The following SUSD3 variants were observed in gnomAD, a reference collection of about 807,000 sequenced individuals.
SUSD3 encodes sushi domain containing 3, also known as sushi domain-containing protein 3.
In SUSD3, 18 loss-of-function variants were observed where a neutral mutation model predicts 20.6. The observed-to-expected ratio is 0.87, with a 90% confidence interval of 0.60 to 1.30. The LOEUF is 1.30. SUSD3 is among the 50% of genes most tolerant of loss of function. SUSD3 has a pLI of 0.00. For missense variants in SUSD3, 306 were observed against 346.9 expected (o/e 0.88, Z 0.94); for synonymous variants, 137 against 141.5 (o/e 0.97, Z 0.23).
rs531389743 is a variant in SUSD3, at chr9:93,083,006, G to A, written c.558-1531G>A. Among the ~76,000 whole-genome samples, 8 of 152,348 alleles carry A rather than the reference G, an allele frequency of 5.3e-5. No homozygotes were observed. The South Asian group carries it at 6.2e-4, about 12-fold the overall frequency. On this transcript the variant is annotated intron_variant, in intron 4 of 4. Transcript: ENST00000375472. ...GAACTTGTGCAGTGTGTGGTCGGAC[G>A]TGTGCGTCCCGTCCAAGAGTGGCCA...
rs779495077 is a variant in SUSD3, at chr9:93,084,559, A to G, written c.580A>G (p.Lys194Glu). 6.3e-7 allele frequency: 1 copy of G among 1,597,872 alleles called. No individual in the cohort carries two copies. The highest frequency in any genetic ancestry group is 8.5e-7 in the Non-Finnish European group (1 of 1,172,162). The change falls in exon 5 of 5, where the codon AAG becomes GAG. Residue 194 changes from lysine to glutamate, a missense_variant. Physicochemically the swap from Lys to Glu is moderately conservative, Grantham distance 56. Transcript: ENST00000375472. Reference sequence around the variant, plus strand: ...CAGAGACCATGGTGAGAGCACCAGCAAGCTGGCCAGTGTGACCCGCAGCGT... The same window carrying G: ...CAGAGACCATGGTGAGAGCACCAGCGAGCTGGCCAGTGTGACCCGCAGCGT... The part of the protein sequence containing the change: ...FTTDHGESTS[K>E]LASVTRSVDK...
At chr9:93,061,281 G>T (rs764337903) in intron 1 of SUSD3, among the ~76,000 whole-genome samples, 1 of 152,234 alleles carries the variant, frequency 6.6e-6, no homozygotes, top group Non-Finnish European at 1.5e-5. Context: ...CCCAGAACTG[G>T]ACTGTGTCCA....
In SUSD3 at chr9:93,084,880, G is replaced by A; in HGVS notation, c.*133G>A. On this transcript the variant is annotated 3_prime_UTR_variant, in exon 5 of 5. Coordinates refer to ENST00000375472, the MANE Select transcript of SUSD3 (RefSeq NM_145006.4). Reference sequence around the variant, plus strand: ...TGATGAGTGGAATCAGCTTCCAGGTGTAGGGACCCCTTGAGGGGCCGAGCT... The same window carrying A: ...TGATGAGTGGAATCAGCTTCCAGGTATAGGGACCCCTTGAGGGGCCGAGCT... 2.4e-6 allele frequency: 2 copies of A among 837,386 alleles called. No individual in the cohort carries two copies. The highest frequency in any genetic ancestry group is 3.4e-6 in the Non-Finnish European group (2 of 584,898). The allele number at this position is 837,386 out of a possible 1,614,324, so 51.9% of individuals were successfully genotyped here.
chr9:93,058,879 A>C, intron 1 of SUSD3, 49 bp downstream of exon 1: 5 of 1,131,802 alleles, frequency 4.4e-6, no homozygotes, highest in Non-Finnish European at 5.6e-6. Flanking sequence ...CGCCCATTTC[A>C]CAGACGGGAA....
At chr9:93,075,028 C>T (rs1398773527) in intron 1 of SUSD3, among the ~76,000 whole-genome samples, 1 of 152,180 alleles carries the variant, frequency 6.6e-6, no homozygotes, top group African/African-American at 2.4e-5. Flanking sequence ...ACAGGGCTTC[C>T]CAGGCCCTGC....
intron 4 of SUSD3, among the ~76,000 whole-genome samples, chr9:93,082,466 C>T (rs891709515): frequency 6.6e-6 from 1 of 151,958 alleles, no homozygotes; most frequent in Non-Finnish European, 1.5e-5. Flanking sequence ...CACAGGTGTC[C>T]GCCACCATGC....
At chr9:93,073,543 C>T (rs1383734334) in intron 1 of SUSD3, among the ~76,000 whole-genome samples, 5 of 152,290 alleles carry the variant, frequency 3.3e-5, no homozygotes, top group East Asian at 1.9e-4. Context: ...CCACCGTGCC[C>T]GTCCTGTCCC....
intron 4 of SUSD3, among the ~76,000 whole-genome samples, chr9:93,081,556 C>T (rs567145139): frequency 6.6e-6 from 1 of 152,232 alleles, no homozygotes; most frequent in South Asian, 2.1e-4. Flanking sequence ...CTGTTACTGT[C>T]GTTGCCACTC....
At chr9:93,066,734 G>A (rs1045221864) in intron 1 of SUSD3, among the ~76,000 whole-genome samples, 6 of 150,270 alleles carry the variant, frequency 4.0e-5, no homozygotes, top group African/African-American at 1.5e-4. Flanking sequence ...TTTTTGAGAC[G>A]GAGTCACTCT....
intron 1 of SUSD3, among the ~76,000 whole-genome samples, chr9:93,063,671 C>T (rs1825592620): frequency 6.6e-6 from 1 of 152,168 alleles, no homozygotes; most frequent in South Asian, 2.1e-4. Context: ...GGAGGCAGGT[C>T]AGGGCTGTGA....
At chr9:93,064,554 T>C (rs1825634335) in intron 1 of SUSD3, among the ~76,000 whole-genome samples, 1 of 152,196 alleles carries the variant, frequency 6.6e-6, no homozygotes, top group South Asian at 2.1e-4. Flanking sequence ...GATGTGGCTT[T>C]TGGCAGATGA....
Position 93,081,494 on chromosome 9 carries a change from C to T in SUSD3, c.557+1892C>T, listed in dbSNP as rs182282389. ...TCAAGTTGTTGAGGTTACCTGAGTC[C>T]GGGTGTGTGCCTCTCTCGCCAGGCC... On this transcript the variant is annotated intron_variant, in intron 4 of 4. Coordinates refer to ENST00000375472, the MANE Select transcript of SUSD3 (RefSeq NM_145006.4). Among the ~76,000 whole-genome samples, 33 of 152,138 alleles carry T rather than the reference C, an allele frequency of 2.2e-4. No homozygotes were observed. The East Asian group carries it at 2.5e-3, about 12-fold the overall frequency.
chr9:93,062,686 G>A (rs529233585), intron 1 of SUSD3, among the ~76,000 whole-genome samples: 68 of 152,292 alleles, frequency 4.5e-4, no homozygotes, highest in African/African-American at 1.5e-3. Flanking sequence ...GGCATGGGGA[G>A]GGGCTCAGGA....
chr9:93,075,157 A>G (rs1312058595), intron 1 of SUSD3, among the ~76,000 whole-genome samples: 1 of 152,174 alleles, frequency 6.6e-6, no homozygotes, highest in East Asian at 1.9e-4. Flanking sequence ...ACTGTGGGCC[A>G]CTGGTATCCT....
Position 93,075,801 on chromosome 9 carries a change from C to A in SUSD3, c.106C>A (p.Arg36=). The A allele has an allele frequency of 6.6e-7, 1 of 1,506,518 alleles. No individual in the cohort carries two copies. The highest frequency in any genetic ancestry group is 1.1e-5 in the South Asian group (1 of 89,772). The allele number at this position is 1,506,518 out of a possible 1,614,324, so 93.3% of individuals were successfully genotyped here. ...CTCCCCAGGCACGTGCGCTAAGCTG[C>A]GGCTACCCCCGCAAGCAACCTTCCA... ...GNRTGTCAKL[R]LPPQATFQVL... The change falls in exon 2 of 5, where the codon CGG becomes AGG. Residue 36 remains arginine, a synonymous_variant. Transcript: ENST00000375472.
intron 1 of SUSD3, among the ~76,000 whole-genome samples, chr9:93,069,363 C>T (rs1034164540): frequency 2.6e-5 from 4 of 152,148 alleles, no homozygotes; most frequent in South Asian, 2.1e-4. Context: ...GTGGAACCAC[C>T]GGTAACTGAA....
rs149036235 is a variant in SUSD3, at chr9:93,066,512, A to G, written c.88+7682A>G. 3.2e-3 allele frequency among the ~76,000 whole-genome samples: 480 copies of G among 151,158 alleles called. 4 individuals are homozygous for G. The highest frequency in any genetic ancestry group is 0.011 in the African/African-American group (452 of 41,234). On this transcript the variant is annotated intron_variant, in intron 1 of 4. Coordinates refer to ENST00000375472, the MANE Select transcript of SUSD3 (RefSeq NM_145006.4). ...CTCCCAAAGTGCTGGGATTACAGGT[A>G]TGAGCCACCGTGCTCGGCCAAGTAT...
chr9:93,069,179 G>C (rs1340253154), intron 1 of SUSD3: 2 of 701,378 alleles, frequency 2.9e-6, no homozygotes. Context: ...CACTCTGAGT[G>C]TTGTGATGAA....
Position 93,066,908 on chromosome 9 carries a change from G to A in SUSD3, c.88+8078G>A, listed in dbSNP as rs188033502. 3.1e-3 allele frequency among the ~76,000 whole-genome samples: 475 copies of A among 151,950 alleles called. 4 individuals carry two copies. Among genetic ancestry groups the A allele is most frequent in the African/African-American group, 0.011 (439 of 41,414 alleles). Reference sequence around the variant, plus strand: ...TTCTTAGTAGAGATGGGGTTTCACCGTGTTGGCCAGGCTGGTCTGGAACTC... The same window carrying A: ...TTCTTAGTAGAGATGGGGTTTCACCATGTTGGCCAGGCTGGTCTGGAACTC... On this transcript the variant is annotated intron_variant, in intron 1 of 4. Coordinates refer to ENST00000375472, the MANE Select transcript of SUSD3 (RefSeq NM_145006.4).
Sources: gnomAD v4.1 joint callset for allele counts (sites outside exome capture counted in the v4.1 genomes callset) on GRCh38, gnomAD v4.1.1 for gene constraint, MANE v1.5 for transcripts, NCBI Gene and HGNC (gene_info 2026-07-23, HGNC 2026-07-21) for gene names.